Variants in KCNQ5 observed in about 807,000 individuals in gnomAD.
KCNQ5 encodes the protein potassium voltage-gated channel subfamily Q member 5, also known as potassium voltage-gated channel subfamily KQT member 5.
Under a neutral mutation model 98.2 loss-of-function variants are expected in KCNQ5, and 30 were observed. That is an observed-to-expected ratio of 0.31 (90% CI 0.23 to 0.41). KCNQ5 has a LOEUF of 0.41. Ranked by LOEUF, KCNQ5 falls within the 10% of genes least tolerant of loss-of-function variation. The pLI, the probability that KCNQ5 is intolerant of heterozygous loss-of-function variation, is 1.00. For synonymous variants in KCNQ5, 458 were observed against 449.4 expected (o/e 1.02, Z -0.24); for missense variants, 835 against 1,182.5 (o/e 0.71, Z 4.31).
intron 10 of KCNQ5, chr6:73,136,897 G>C (rs1250351997): frequency 6.6e-6 from 1 of 151,998 alleles, no homozygotes; most frequent in Non-Finnish European, 1.5e-5. Context: ...AATTATTCCA[G>C]GTCTATTTGC....
intron 5 of KCNQ5, among the ~76,000 whole-genome samples, chr6:73,080,350 A>T (rs1030401081): frequency 2.6e-5 from 4 of 152,174 alleles, no homozygotes; most frequent in Non-Finnish European, 5.9e-5. Flanking sequence ...TAAAAATTTT[A>T]TAAGAGATCA....
chr6:73,166,396 A>G (rs1046088021), intron 10 of KCNQ5, among the ~76,000 whole-genome samples: 3 of 151,712 alleles, frequency 2.0e-5, no homozygotes, highest in African/African-American at 7.3e-5. Flanking sequence ...AGATCATGCC[A>G]CTGCACTTGA....
chr6:72,670,187 G>A (rs1294639079), intron 1 of KCNQ5, among the ~76,000 whole-genome samples: 2 of 152,210 alleles, frequency 1.3e-5, no homozygotes, highest in East Asian at 3.9e-4. Context: ...TTAATCAGCT[G>A]TTCCTCATTT....
intron 1 of KCNQ5, among the ~76,000 whole-genome samples, chr6:72,927,458 T>C (rs1765479672): frequency 6.6e-6 from 1 of 152,100 alleles, no homozygotes; most frequent in African/African-American, 2.4e-5. Context: ...GACTTAGAGA[T>C]CCTAGAGATT....
intron 1 of KCNQ5, among the ~76,000 whole-genome samples, chr6:72,789,147 A>T (rs1386218890): frequency 6.0e-5 from 9 of 150,212 alleles, no homozygotes; most frequent in Admixed American, 5.9e-4. Flanking sequence ...GTTTTTGTTC[A>T]TGTGTATGTG....
chr6:72,748,455 G>T (rs1165225063), intron 1 of KCNQ5, among the ~76,000 whole-genome samples: 3 of 152,020 alleles, frequency 2.0e-5, no homozygotes, highest in Non-Finnish European at 4.4e-5. Context: ...ATCAGAATCT[G>T]CATGTTAACA....
intron 1 of KCNQ5, among the ~76,000 whole-genome samples, chr6:72,828,595 G>A (rs113863067): frequency 1.3e-4 from 20 of 151,832 alleles, no homozygotes; most frequent in African/African-American, 4.6e-4. Flanking sequence ...TACTGAATTC[G>A]TTTATCAGTA....
rs575974263 is a variant in KCNQ5, at chr6:72,779,388, A to G, written c.398+156801A>G. Among the ~76,000 whole-genome samples the G allele has an allele frequency of 1.2e-3, 178 of 152,328 alleles. 1 individual carries two copies. Among genetic ancestry groups the G allele is most frequent in the African/African-American group, 4.2e-3 (173 of 41,576 alleles). ...AGCCATCATAAATGAATATGTAGAC[A>G]AGTTTGTGAGAATGTGTGTATGTCT... On this transcript the variant is annotated intron_variant, in intron 1 of 13. Coordinates refer to ENST00000370398, the MANE Select transcript of KCNQ5 (RefSeq NM_019842.4).
intron 1 of KCNQ5, among the ~76,000 whole-genome samples, chr6:72,831,277 C>T (rs1318440147): frequency 6.6e-6 from 1 of 152,160 alleles, no homozygotes; most frequent in Non-Finnish European, 1.5e-5. Context: ...GACACATGCA[C>T]ACATATGTTT....
chr6:72,922,817 T>C (rs1424352198), intron 1 of KCNQ5, among the ~76,000 whole-genome samples: 4 of 141,182 alleles, frequency 2.8e-5, no homozygotes, highest in Middle Eastern at 3.5e-3. Flanking sequence ...TTTCTTTTTT[T>C]TTTTTTTTTT....
chr6:72,829,827 T>C (rs1000274418), intron 1 of KCNQ5, among the ~76,000 whole-genome samples: 2 of 151,698 alleles, frequency 1.3e-5, no homozygotes, highest in African/African-American at 4.8e-5. Context: ...TCTAAGAGAG[T>C]AGTGGGAAAG....
intron 1 of KCNQ5, among the ~76,000 whole-genome samples, chr6:72,683,390 CAG>C (rs201863664): frequency 0.21 from 27,997 of 131,082 alleles, 3,704 homozygotes; most frequent in East Asian, 0.52. Flanking sequence ...TTTTTTGAGA[CAG>C]AGTCTCGCTC....
chr6:72,880,966 A>G (rs1446995188), intron 1 of KCNQ5, among the ~76,000 whole-genome samples: 1 of 152,200 alleles, frequency 6.6e-6, no homozygotes, highest in Admixed American at 6.5e-5. Context: ...TTGATCCAAG[A>G]TTGATGGAGC....
At chr6:73,190,485 A>G (rs1239940511) in intron 11 of KCNQ5, 88 bp from the exon 12 acceptor site, 6 of 637,392 alleles carry the variant, frequency 9.4e-6, no homozygotes, top group Non-Finnish European at 1.2e-5. Flanking sequence ...TTCCCCCCAG[A>G]GTTTCTTATT....
At chr6:73,156,295 A>G (rs1777359962) in intron 10 of KCNQ5, among the ~76,000 whole-genome samples, 1 of 152,238 alleles carries the variant, frequency 6.6e-6, no homozygotes, top group African/African-American at 2.4e-5. Context: ...CCATAGCATA[A>G]TGAAATAGAA....
intron 1 of KCNQ5, among the ~76,000 whole-genome samples, chr6:72,894,528 A>T (rs1779171522): frequency 6.6e-6 from 1 of 152,210 alleles, no homozygotes; most frequent in Non-Finnish European, 1.5e-5. Context: ...GTCACAAAAC[A>T]AATTTCTTTG....
At chr6:73,077,712 T>G (rs1442759351) in intron 4 of KCNQ5, 50 bp from the exon 5 acceptor site, 33 of 1,545,114 alleles carry the variant, frequency 2.1e-5, no homozygotes, top group Non-Finnish European at 2.9e-5. Flanking sequence ...CTTTTTTCCT[T>G]TTTCAAAGAT....
intron 1 of KCNQ5, among the ~76,000 whole-genome samples, chr6:72,910,101 G>A (rs975965119): frequency 4.6e-5 from 7 of 151,878 alleles, no homozygotes; most frequent in Non-Finnish European, 7.4e-5. Flanking sequence ...TGAATTGCAC[G>A]GTTACAAACA....
intron 1 of KCNQ5, among the ~76,000 whole-genome samples, chr6:72,961,037 A>T (rs1767319314): frequency 6.6e-6 from 1 of 152,206 alleles, no homozygotes; most frequent in Non-Finnish European, 1.5e-5. Context: ...AGTGAGCCTG[A>T]GGTAGAAGGA....
Sources: gnomAD v4.1 joint callset for allele counts (sites outside exome capture counted in the v4.1 genomes callset) on GRCh38, gnomAD v4.1.1 for gene constraint, MANE v1.5 for transcripts, NCBI Gene and HGNC (gene_info 2026-07-23, HGNC 2026-07-21) for gene names.